Variants in CACNA1I observed in about 807,000 individuals in gnomAD.
The protein encoded by CACNA1I is calcium voltage-gated channel subunit alpha1 I, also known as voltage-dependent T-type calcium channel subunit alpha-1I.
In CACNA1I, 74 loss-of-function variants were observed where a neutral mutation model predicts 201.6. The observed-to-expected ratio is 0.37, with a 90% CI of 0.30 to 0.45. The LOEUF (loss-of-function observed/expected upper bound fraction) is 0.45. CACNA1I is among the 20% of genes least tolerant of loss of function. The probability of loss-of-function intolerance (pLI) is 1.00; values close to 1 mark genes in which losing one functional copy is unlikely to be tolerated. For synonymous variants in CACNA1I, 1,431 were observed against 1,345.2 expected (o/e 1.06, Z -1.40); for missense variants, 2,346 against 3,138.1 (o/e 0.75, Z 6.03).
rs112761513 is a variant in CACNA1I at position 39,676,224 on chromosome 22, G to A, written c.4855-1117G>A. Among the ~76,000 whole-genome samples the A allele has an allele frequency of 1.3e-5, 2 of 152,318 alleles. No individual in the cohort carries two copies. The highest frequency in any genetic ancestry group is 6.5e-5 in the Admixed American group (1 of 15,302). ...CACAAAGCTGAATTCCTAGAGCCGCGACCACGCCAGATCCTTCTCAGCGGT... is the reference window on the plus strand; with the variant it reads ...CACAAAGCTGAATTCCTAGAGCCGCAACCACGCCAGATCCTTCTCAGCGGT... On this transcript the variant is annotated intron_variant, in intron 29 of 36. Coordinates refer to ENST00000402142, the MANE Select transcript of CACNA1I (RefSeq NM_021096.4). This position sits in a 1 kb window ranked among gnomAD's most constrained non-coding sequence, Gnocchi z 4.8.
At chr22:39,655,715 CCCT>C (rs1934795115) in intron 10 of CACNA1I, among the ~76,000 whole-genome samples, 1 of 152,160 alleles carries the variant, frequency 6.6e-6, no homozygotes, top group Non-Finnish European at 1.5e-5. Context: ...TCTCCATGTC[CCCT>C]CCTCCTTGGG....
intron 1 of CACNA1I, among the ~76,000 whole-genome samples, chr22:39,583,365 T>TATCCATCC (rs61259535): frequency 2.1e-4 from 30 of 145,204 alleles, no homozygotes; most frequent in African/African-American, 7.1e-4. Flanking sequence ...TCCAACCATC[T>TATCCATCC]ATCCATCCAT....
intron 35 of CACNA1I, among the ~76,000 whole-genome samples, chr22:39,683,249 G>C (rs1480562447): frequency 6.6e-6 from 1 of 152,164 alleles, no homozygotes; most frequent in Non-Finnish European, 1.5e-5. Flanking sequence ...TCCTCATGGA[G>C]GGTGGCAGGA....
intron 5 of CACNA1I, among the ~76,000 whole-genome samples, chr22:39,640,226 T>C (rs1934318306): frequency 6.6e-6 from 1 of 152,010 alleles, no homozygotes; most frequent in South Asian, 2.1e-4. Context: ...CCATCTCTAC[T>C]AAAAAAACAA....
At chr22:39,640,594 G>C (rs1347067403) in intron 5 of CACNA1I, among the ~76,000 whole-genome samples, 1 of 152,154 alleles carries the variant, frequency 6.6e-6, no homozygotes, top group African/African-American at 2.4e-5. Context: ...AGACTCCCGA[G>C]GGAGTTGAGG....
At position 39,684,975 on chromosome 22, in the gene CACNA1I, C is replaced by T. The variant is rs542645025; in HGVS notation, c.6027+477C>T. 1.0e-3 allele frequency: 252 copies of T among 243,950 alleles called. No individual in the cohort carries two copies. The highest frequency in any genetic ancestry group is 5.2e-3 in the African/African-American group (234 of 44,732). The allele number at this position is 243,950 out of a possible 1,614,324, so 15.1% of individuals were successfully genotyped here. On this transcript the variant is annotated intron_variant, in intron 36 of 36. Coordinates refer to ENST00000402142, the MANE Select transcript of CACNA1I (RefSeq NM_021096.4). The surrounding 1 kb of genome is among the most constrained non-coding windows in gnomAD (Gnocchi z 4.6). The stretch of plus-strand genomic sequence containing the variant: ...TACTGGATTGGCCAGGGCCACAGCC[C>T]TCCTACCCACGGGCACACAGAGGTC...
intron 5 of CACNA1I, among the ~76,000 whole-genome samples, chr22:39,635,551 A>G (rs1444633133): frequency 6.6e-6 from 1 of 152,162 alleles, no homozygotes; most frequent in African/African-American, 2.4e-5. Context: ...AAAGTTGGGT[A>G]GGAACTGGCC....
At chr22:39,598,941 G>GTTTTTTTTTTTT (rs3044380) in intron 2 of CACNA1I, among the ~76,000 whole-genome samples, 2 of 68,242 alleles carry the variant, frequency 2.9e-5, no homozygotes, top group Non-Finnish European at 5.0e-5. Flanking sequence ...TGCCTCTTGG[G>GTTTTTTTTTTTT]TTTTTTTTTT....
intron 4 of CACNA1I, among the ~76,000 whole-genome samples, chr22:39,620,162 C>CCCACCCATCCATCCACCCACCCAT (rs1555905453): frequency 8.1e-6 from 1 of 124,150 alleles, no homozygotes; most frequent in Non-Finnish European, 1.7e-5. Context: ...CATCCACCCA[C>CCCACCCATCCATCCACCCACCCAT]CCATCCATCC....
chr22:39,625,107 T>G (rs1044263960), intron 4 of CACNA1I, among the ~76,000 whole-genome samples: 5 of 152,012 alleles, frequency 3.3e-5, no homozygotes, highest in Admixed American at 6.6e-5. Context: ...GGGGTTTCAC[T>G]GTGTTGGCCA....
chr22:39,652,377 G>A lies in CACNA1I; in HGVS notation c.1992+2452G>A, dbSNP rs1444503550. On this transcript the variant is annotated intron_variant, in intron 10 of 36. Coordinates refer to ENST00000402142, the MANE Select transcript of CACNA1I (RefSeq NM_021096.4). ...AGATGAGAGAGGCTGTTCCCACTGTGCGTCTCCTGCCTGGTCACAGGGCCC... is the reference window on the plus strand; with the variant it reads ...AGATGAGAGAGGCTGTTCCCACTGTACGTCTCCTGCCTGGTCACAGGGCCC... Among the ~76,000 whole-genome samples the A allele has an allele frequency of 3.3e-5, 5 of 152,292 alleles. No individual in the cohort carries two copies. In the East Asian group the frequency reaches 7.7e-4, roughly 24 times the overall value.
At chr22:39,670,470 C>T (rs1487081663) in intron 25 of CACNA1I, among the ~76,000 whole-genome samples, 1 of 152,212 alleles carries the variant, frequency 6.6e-6, no homozygotes, top group African/African-American at 2.4e-5. Flanking sequence ...GGGGGTTCAG[C>T]CCAGGCATAG....
chr22:39,619,330 A>G lies in CACNA1I; in HGVS notation c.503A>G (p.Asp168Gly), dbSNP rs1488428650. Residue 168 changes from aspartate (D) to glycine (G), a missense_variant, in exon 4 of 37, where the codon GAC becomes GGC. Coordinates refer to ENST00000402142, the MANE Select transcript of CACNA1I (RefSeq NM_021096.4). ...TGCAGGATGGTCGAGTACTCCCTGG[A>G]CCTTCAGAACATCAACCTGTCAGCC... ...VMAGMVEYSL[D>G]LQNINLSAIR... 2 of 1,609,268 alleles carry G rather than the reference A, an allele frequency of 1.2e-6. No homozygotes were observed. Among genetic ancestry groups the G allele is most frequent in the East Asian group, 2.2e-5 (1 of 44,868 alleles).
At chr22:39,655,908 G>A (rs1245372827) in intron 10 of CACNA1I, among the ~76,000 whole-genome samples, 5 of 152,224 alleles carry the variant, frequency 3.3e-5, no homozygotes, top group Admixed American at 1.3e-4. Context: ...TGCATCCCTG[G>A]TAGGAGTGTG....
rs886708235 is a variant in CACNA1I at position 39,642,777 on chromosome 22, C to T, written c.1057-20C>T. On this transcript the variant is annotated intron_variant, in intron 6 of 36. Transcript: ENST00000402142. ...CTGATGGGCCAGTCCTCTCGGCTCT[C>T]TCTCCTCTGCGCGCTGCAGGTGATC... is the stretch of plus-strand genomic sequence containing the variant. 6.3e-7 allele frequency: 1 copy of T among 1,584,620 alleles called. No individual in the cohort carries two copies. Among genetic ancestry groups the T allele is most frequent in the Admixed American group, 1.7e-5 (1 of 57,710 alleles).
chr22:39,572,228 G>A (rs114432058), intron 1 of CACNA1I, among the ~76,000 whole-genome samples: 1 of 152,150 alleles, frequency 6.6e-6, no homozygotes, highest in Non-Finnish European at 1.5e-5. Flanking sequence ...TGAAGTGGGG[G>A]CTGGGGACCA....
At position 39,658,140 on chromosome 22, in the gene CACNA1I, A is replaced by G. The variant is rs1426746098; in HGVS notation, c.1993-12A>G. The stretch of plus-strand genomic sequence containing the variant: ...TGACCGGGTCTCCATTCCCCACCCC[A>G]ATGCCCCACAGCCGGAGGAGCTGAC... On this transcript the variant is annotated splice_polypyrimidine_tract_variant and intron_variant, in intron 10 of 36. Coordinates refer to ENST00000402142, the MANE Select transcript of CACNA1I (RefSeq NM_021096.4). The G allele has an allele frequency of 6.2e-7, 1 of 1,613,318 alleles. No homozygotes were observed. The highest frequency in any genetic ancestry group is 1.7e-5 in the Admixed American group (1 of 59,988).
At chr22:39,603,305 C>G (rs546233548) in intron 3 of CACNA1I, among the ~76,000 whole-genome samples, 2 of 152,288 alleles carry the variant, frequency 1.3e-5, no homozygotes, top group African/African-American at 4.8e-5. Flanking sequence ...TGCCTTTCCC[C>G]TTTTCTTTCA....
At chr22:39,645,674 C>T (rs1466048368) in intron 7 of CACNA1I, among the ~76,000 whole-genome samples, 1 of 152,206 alleles carries the variant, frequency 6.6e-6, no homozygotes, top group African/African-American at 2.4e-5. Context: ...TCCTGGCGGG[C>T]ACCTCCAAGG....
Sources: gnomAD v4.1 joint callset for allele counts (sites outside exome capture counted in the v4.1 genomes callset) on GRCh38, gnomAD v4.1.1 for gene constraint, Gnocchi (gnomAD v3.1) non-coding constraint, MANE v1.5 for transcripts, NCBI Gene and HGNC (gene_info 2026-07-23, HGNC 2026-07-21) for gene names.